SLC35F1: variants seen among roughly 807,000 people sequenced by gnomAD.
SLC35F1 encodes chromosome 6 open reading frame 169.
A neutral mutation model predicts 48.7 loss-of-function variants in SLC35F1; 14 were observed. The ratio of observed to expected loss-of-function variants is 0.29; its 90% CI spans 0.19 to 0.45. The LOEUF is 0.45. SLC35F1 is among the 20% of genes least tolerant of loss of function. The probability of loss-of-function intolerance (pLI) is 1.00; values close to 1 mark genes in which losing one functional copy is unlikely to be tolerated. For missense variants in SLC35F1, 404 were observed against 500.0 expected (o/e 0.81, Z 1.83); for synonymous variants, 190 against 202.2 (o/e 0.94, Z 0.51).
intron 1 of SLC35F1, among the ~76,000 whole-genome samples, chr6:118,022,971 G>A (rs1268388411): frequency 6.6e-6 from 1 of 152,092 alleles, no homozygotes; most frequent in Admixed American, 6.5e-5. Flanking sequence ...TGTTAGCCAT[G>A]ATGGTCTCGA....
At chr6:118,058,553 A>T (rs2114268476) in intron 1 of SLC35F1, among the ~76,000 whole-genome samples, 1 of 152,322 alleles carries the variant, frequency 6.6e-6, no homozygotes, top group South Asian at 2.1e-4. Context: ...TAGAGAATAT[A>T]TTATTCATCA....
intron 1 of SLC35F1, among the ~76,000 whole-genome samples, chr6:117,984,441 G>T (rs1006871237): frequency 6.7e-6 from 1 of 149,384 alleles, no homozygotes; most frequent in Non-Finnish European, 1.5e-5. Context: ...CGAGCTTGTA[G>T]TGAGCCGAGA....
intron 3 of SLC35F1, among the ~76,000 whole-genome samples, chr6:118,246,672 T>C (rs1775511558): frequency 6.6e-6 from 1 of 152,186 alleles, no homozygotes; most frequent in Non-Finnish European, 1.5e-5. Context: ...CCCTTACATG[T>C]TTGTTTTCTC....
intron 2 of SLC35F1, among the ~76,000 whole-genome samples, chr6:118,229,754 T>C (rs1047312458): frequency 1.3e-5 from 2 of 152,188 alleles, no homozygotes; most frequent in East Asian, 1.9e-4. Flanking sequence ...ATAGCATTTG[T>C]AAAGCAAGTG....
intron 3 of SLC35F1, among the ~76,000 whole-genome samples, chr6:118,238,763 C>T (rs1428743069): frequency 6.6e-6 from 1 of 152,176 alleles, no homozygotes; most frequent in African/African-American, 2.4e-5. Context: ...TTAGGCCACA[C>T]TAATGGCCAA....
At chr6:118,081,634 TCAAA>T (rs140914804) in intron 1 of SLC35F1, among the ~76,000 whole-genome samples, 3 of 152,086 alleles carry the variant, frequency 2.0e-5, no homozygotes, top group Non-Finnish European at 2.9e-5. Context: ...GACCCTGTTT[TCAAA>T]CAAACAAACA....
chr6:117,984,487 C>T (rs112073513), intron 1 of SLC35F1, among the ~76,000 whole-genome samples: 5,243 of 132,856 alleles, frequency 0.039, 364 homozygotes, highest in African/African-American at 0.14. Flanking sequence ...GAGCAAGACT[C>T]GGTCTCAAAA....
In SLC35F1 at chr6:117,941,944, A is replaced by G. The variant is rs1414764335; in HGVS notation, c.173+34045A>G. On this transcript the variant is annotated intron_variant, in intron 1 of 7. Coordinates refer to ENST00000360388, the MANE Select transcript of SLC35F1 (RefSeq NM_001029858.4). Reference sequence around the variant, plus strand: ...AGATATTCTTCTTCATTGTATCATCATTAGGTTAATAGTAACCTTATATTT... The same window carrying G: ...AGATATTCTTCTTCATTGTATCATCGTTAGGTTAATAGTAACCTTATATTT... Among the ~76,000 whole-genome samples, 3 of 152,222 alleles carry G rather than the reference A, an allele frequency of 2.0e-5. No individual in the cohort carries two copies. The East Asian group carries it at 5.8e-4, about 29-fold the overall frequency.
chr6:118,116,182 G>C (rs1773473755), intron 1 of SLC35F1, among the ~76,000 whole-genome samples: 1 of 152,184 alleles, frequency 6.6e-6, no homozygotes, highest in South Asian at 2.1e-4. Context: ...GTATAGGTAA[G>C]AGGTATGCCA....
chr6:118,032,309 G>C (rs930314617), intron 1 of SLC35F1, among the ~76,000 whole-genome samples: 1 of 152,164 alleles, frequency 6.6e-6, no homozygotes. Flanking sequence ...TCCGTTTACA[G>C]ATATAAGGAC....
intron 1 of SLC35F1, among the ~76,000 whole-genome samples, chr6:118,014,650 C>T (rs2114879213): frequency 1.3e-5 from 2 of 152,112 alleles, no homozygotes; most frequent in Admixed American, 1.3e-4. Flanking sequence ...ACTCTGGGAG[C>T]AGAAGTTGGA....
chr6:118,251,526 A>T (rs961289881), intron 3 of SLC35F1, among the ~76,000 whole-genome samples: 20 of 152,190 alleles, frequency 1.3e-4, no homozygotes, highest in African/African-American at 4.1e-4. Flanking sequence ...ATGACGGATC[A>T]CAAAGGGACT....
chr6:117,970,720 C>T (rs1254092282), intron 1 of SLC35F1, among the ~76,000 whole-genome samples: 2 of 152,136 alleles, frequency 1.3e-5, no homozygotes, highest in Non-Finnish European at 2.9e-5. Context: ...TGGTGGTGGG[C>T]AGCAGAATGT....
At chr6:118,181,657 C>T (rs1774579697) in intron 2 of SLC35F1, among the ~76,000 whole-genome samples, 1 of 151,670 alleles carries the variant, frequency 6.6e-6, no homozygotes, top group Admixed American at 6.6e-5. Flanking sequence ...AATAAGTCAG[C>T]AGCATAAATT....
chr6:118,218,699 G>A lies in SLC35F1; in HGVS notation c.350-16810G>A, dbSNP rs184251062. On this transcript the variant is annotated intron_variant, in intron 2 of 7. Transcript: ENST00000360388. ...AATGGGACGTCATATTAAAAGCTGT[G>A]TAGCCAGTGATTCTGGGATATATTA... is the stretch of plus-strand genomic sequence containing the variant. Among the ~76,000 whole-genome samples the A allele has an allele frequency of 2.4e-3, 359 of 152,240 alleles. 1 individual carries two copies. Among genetic ancestry groups the A allele is most frequent in the African/African-American group, 8.1e-3 (336 of 41,558 alleles).
intron 1 of SLC35F1, among the ~76,000 whole-genome samples, chr6:118,053,809 G>T (rs1023756135): frequency 2.6e-5 from 4 of 152,082 alleles, no homozygotes; most frequent in South Asian, 2.1e-4. Flanking sequence ...TTATTTTTAT[G>T]CCTGAGAGAT....
At position 118,156,933 on chromosome 6, in the gene SLC35F1, C is replaced by A. The variant is rs1774153124; in HGVS notation, c.349+2313C>A. ...GGCAGGGAGAATTATTTCAACCATACCAATAATTTATAGGTAGAGGCTAAA... is the reference window on the plus strand; with the variant it reads ...GGCAGGGAGAATTATTTCAACCATAACAATAATTTATAGGTAGAGGCTAAA... On this transcript the variant is annotated intron_variant, in intron 2 of 7. Transcript: ENST00000360388. 2.0e-5 allele frequency among the ~76,000 whole-genome samples: 3 copies of A among 151,850 alleles called. No individual in the cohort carries two copies. In the South Asian group the frequency reaches 6.2e-4, roughly 32 times the overall value.
chr6:118,298,223 G>A (rs918868497), intron 7 of SLC35F1, among the ~76,000 whole-genome samples: 18 of 152,128 alleles, frequency 1.2e-4, no homozygotes, highest in Middle Eastern at 3.4e-3. Flanking sequence ...AATGCAAATG[G>A]ACTAATACAC....
At chr6:118,205,728 G>T (rs998103532) in intron 2 of SLC35F1, among the ~76,000 whole-genome samples, 1 of 152,102 alleles carries the variant, frequency 6.6e-6, no homozygotes, top group Admixed American at 6.5e-5. Flanking sequence ...AATAGCCAAA[G>T]GTGGAAACAA....
Sources: allele counts gnomAD v4.1 joint callset (sites outside exome capture counted in the v4.1 genomes callset), GRCh38; gene constraint gnomAD v4.1.1; transcripts MANE v1.5; gene names NCBI Gene and HGNC (gene_info 2026-07-23, HGNC 2026-07-21).